Variants in GSG1L2 observed in about 807,000 individuals in gnomAD.
GSG1L2 encodes the protein GSG1 like 2.
In GSG1L2, 15 loss-of-function variants were observed where a neutral mutation model predicts 9.0. That is an observed-to-expected ratio of 1.67 (90% CI 1.12 to 2.57). GSG1L2 has a LOEUF of 2.57. GSG1L2 is among the 30% of genes most tolerant of loss of function. The pLI is 0.00. For synonymous variants in GSG1L2, 127 were observed against 57.9 expected (o/e 2.19, Z -5.41); for missense variants, 286 against 150.3 (o/e 1.90, Z -4.72).
rs557421947 is a variant in GSG1L2, at chr17:9,817,453, C to T, written c.310+4309G>A. Among the ~76,000 whole-genome samples, 3 of 146,390 alleles carry T rather than the reference C, an allele frequency of 2.0e-5. No individual in the cohort carries two copies. In the South Asian group the frequency reaches 6.5e-4, roughly 32 times the overall value. On this transcript the variant is annotated intron_variant, in intron 1 of 4. Coordinates refer to ENST00000399363, the MANE Select transcript of GSG1L2 (RefSeq NM_001310219.2). ...TTTTTTTTTTTTTTTTCCTCGAAGT[C>T]TCACTCTGTCGCCCAGGCTGGAGTA... is the stretch of plus-strand genomic sequence containing the variant.
chr17:9,803,417 T>C (rs534678989), intron 4 of GSG1L2, among the ~76,000 whole-genome samples: 2 of 152,344 alleles, frequency 1.3e-5, no homozygotes, highest in East Asian at 1.9e-4. Flanking sequence ...TCATTATTCT[T>C]ATATCCCCAT....
At chr17:9,819,352 T>C (rs1162195663) in intron 1 of GSG1L2, among the ~76,000 whole-genome samples, 1 of 152,130 alleles carries the variant, frequency 6.6e-6, no homozygotes, top group Non-Finnish European at 1.5e-5. Flanking sequence ...TGACAGAGGG[T>C]ATGTGGGATG....
intron 3 of GSG1L2, among the ~76,000 whole-genome samples, chr17:9,808,412 G>A (rs1158548998): frequency 2.6e-5 from 4 of 152,000 alleles, no homozygotes; most frequent in Non-Finnish European, 5.9e-5. Flanking sequence ...TTTAGTCATC[G>A]CCAAAGTGTC....
At chr17:9,809,131 G>C (rs1467907472) in intron 2 of GSG1L2, 149 bp from the exon 3 acceptor site, 17 of 616,894 alleles carry the variant, frequency 2.8e-5, no homozygotes, top group Non-Finnish European at 5.0e-5. Flanking sequence ...CTGAATCTTA[G>C]CTGGCAATGG....
At chr17:9,817,040 C>T (rs66593032) in intron 1 of GSG1L2, among the ~76,000 whole-genome samples, 76,618 of 151,670 alleles carry the variant, frequency 0.51, 20,469 homozygotes, top group East Asian at 0.99. Context: ...GCTTTCAGCT[C>T]GTTTTAGGCT....
At chr17:9,811,275 G>C (rs923325353) in intron 1 of GSG1L2, among the ~76,000 whole-genome samples, 1 of 152,152 alleles carries the variant, frequency 6.6e-6, no homozygotes, top group African/African-American at 2.4e-5. Context: ...GGTGAGTCAC[G>C]CATTCGCTTG....
rs1279802643 is a variant in GSG1L2 at position 9,808,973 on chromosome 17, C to T, written c.368G>A (p.Trp123Ter). Residue 123 changes from tryptophan to a stop codon, truncating the protein, a stop_gained, in exon 3 of 5, where the codon TGG (tryptophan) becomes TAG (stop). Coordinates refer to ENST00000399363, the MANE Select transcript of GSG1L2 (RefSeq NM_001310219.2). LOFTEE classifies it high-confidence loss of function. Reference protein sequence around the residue: ...VVPAEEQGVLWLSIGGEVLDI... With the variant: ...VVPAEEQGVL ...CAGGACCTCGCCCCCGATGGACAGC[C>T]ACAAAACACCTGCCAAAGAACGGGA... The T allele has an allele frequency of 2.8e-5, 20 of 703,056 alleles. No individual in the cohort carries two copies. The East Asian group carries it at 5.1e-4, about 18-fold the overall frequency. 43.6% of individuals were successfully genotyped at this position (703,056 alleles called of 1,614,324 possible).
rs3803852 is a variant in GSG1L2 at position 9,801,009 on chromosome 17, A to T, written c.*1377T>A. Among the ~76,000 whole-genome samples, 1 of 152,164 alleles carries T rather than the reference A, an allele frequency of 6.6e-6. No individual in the cohort carries two copies. Among genetic ancestry groups the T allele is most frequent in the African/African-American group, 2.4e-5 (1 of 41,424 alleles). ...GTCAGGCAGGTGCTCACCTTGAGCC[A>T]CAAACACGAAGGTAGCTGGATTTTT... On this transcript the variant is annotated 3_prime_UTR_variant, in exon 5 of 5. Coordinates refer to ENST00000399363, the MANE Select transcript of GSG1L2 (RefSeq NM_001310219.2).
In GSG1L2 at chr17:9,820,839, A is replaced by G. The variant is rs1242201890; in HGVS notation, c.310+923T>C. Reference sequence around the variant, plus strand: ...CTAATTTTTTAAAAAAACCTTTTGTAAAGAGAGGTCTCACTATGTTGCCTA... The same window carrying G: ...CTAATTTTTTAAAAAAACCTTTTGTGAAGAGAGGTCTCACTATGTTGCCTA... On this transcript the variant is annotated intron_variant, in intron 1 of 4. Coordinates refer to ENST00000399363, the MANE Select transcript of GSG1L2 (RefSeq NM_001310219.2). The surrounding 1 kb of genome is among the most constrained non-coding windows in gnomAD (Gnocchi z 4.9). Among the ~76,000 whole-genome samples, 1 of 151,972 alleles carries G rather than the reference A, an allele frequency of 6.6e-6. No homozygotes were observed. Among genetic ancestry groups the G allele is most frequent in the Non-Finnish European group, 1.5e-5 (1 of 67,970 alleles).
chr17:9,802,535 T>G lies in GSG1L2; in HGVS notation c.733A>C (p.Ser245Arg). ...AGGAAGCTGTGTTGAGAGTGCCGAC[T>G]GCCGTTCTGTGCCTGCTGCTTCTCG... The part of the protein sequence containing the change: ...FTEKQQAQNG[S>R]RHSQHSFLEP... The change falls in exon 5 of 5, where the codon AGT becomes CGT. Residue 245 changes from serine to arginine, a missense_variant. Transcript: ENST00000399363. 1 of 702,526 alleles carries G rather than the reference T, an allele frequency of 1.4e-6. No individual in the cohort carries two copies. The highest frequency in any genetic ancestry group is 2.7e-5 in the East Asian group (1 of 37,264). 43.5% of individuals were successfully genotyped at this position (702,526 alleles called of 1,614,324 possible).
At chr17:9,812,551 G>A (rs1245607630) in intron 1 of GSG1L2, among the ~76,000 whole-genome samples, 3 of 152,086 alleles carry the variant, frequency 2.0e-5, no homozygotes, top group Non-Finnish European at 2.9e-5. Context: ...TTTCAGATCT[G>A]GAGACTGGAA....
At chr17:9,807,310 T>C (rs941787113) in intron 4 of GSG1L2, among the ~76,000 whole-genome samples, 180 bp downstream of exon 4, 9 of 152,244 alleles carry the variant, frequency 5.9e-5, no homozygotes, top group Admixed American at 2.6e-4. Flanking sequence ...TTGAGGCAGG[T>C]ATCCTCACTT....
chr17:9,818,926 G>A (rs2066578630), intron 1 of GSG1L2, among the ~76,000 whole-genome samples: 1 of 152,104 alleles, frequency 6.6e-6, no homozygotes, highest in Non-Finnish European at 1.5e-5. Context: ...CTTGCTCTCA[G>A]CACTGGGGCT....
intron 1 of GSG1L2, among the ~76,000 whole-genome samples, chr17:9,819,351 G>T (rs979131244): frequency 3.3e-5 from 5 of 152,208 alleles, no homozygotes; most frequent in African/African-American, 4.8e-5. Context: ...ATGACAGAGG[G>T]TATGTGGGAT....
chr17:9,820,768 T>G lies in GSG1L2; in HGVS notation c.310+994A>C, dbSNP rs1033728633. Among the ~76,000 whole-genome samples the G allele has an allele frequency of 1.3e-5, 2 of 151,488 alleles. No homozygotes were observed. Among genetic ancestry groups the G allele is most frequent in the African/African-American group, 4.9e-5 (2 of 41,220 alleles). ...GCCTCAACCTCCCAGGCTCAAGTGA[T>G]CCTCCCAGAGTAGCTGGGACCACAG... On this transcript the variant is annotated intron_variant, in intron 1 of 4. Coordinates refer to ENST00000399363, the MANE Select transcript of GSG1L2 (RefSeq NM_001310219.2). This position sits in a 1 kb window ranked among gnomAD's most constrained non-coding sequence, Gnocchi z 4.9.
At position 9,820,215 on chromosome 17, in the gene GSG1L2, T is replaced by A. The variant is rs183219489; in HGVS notation, c.310+1547A>T. Among the ~76,000 whole-genome samples, 18 of 152,274 alleles carry A rather than the reference T, an allele frequency of 1.2e-4. No individual in the cohort carries two copies. Among genetic ancestry groups the A allele is most frequent in the Admixed American group, 7.8e-4 (12 of 15,304 alleles). On this transcript the variant is annotated intron_variant, in intron 1 of 4. Transcript: ENST00000399363. The surrounding 1 kb of genome is among the most constrained non-coding windows in gnomAD (Gnocchi z 4.9). The stretch of plus-strand genomic sequence containing the variant: ...ATATTTCTTTTACAAGTTCCTTGGG[T>A]GATACATTTGATAACTGGTGTGACG...
chr17:9,822,029 C>T lies in GSG1L2; in HGVS notation c.43G>A (p.Val15Ile), dbSNP rs1567712760. The change falls in exon 1 of 5, where the codon GTC becomes ATC. Residue 15 changes from valine (V) to isoleucine (I), a missense_variant. By Grantham distance (29) the Val-to-Ile change is conservative. Transcript: ENST00000399363. ...KQQQALLLLPVCLALTFSLTA... is the reference protein window; with the variant it reads ...KQQQALLLLPICLALTFSLTA... ...AGGGAGAAGGTGAGGGCGAGGCAGA[C>T]AGGGAGGAGGAGCAGCGCCTGCTGC... The T allele has an allele frequency of 8.5e-6, 6 of 702,652 alleles. No homozygotes were observed. The highest frequency in any genetic ancestry group is 4.0e-5 in the Admixed American group (2 of 50,016). 43.5% of individuals were successfully genotyped at this position (702,652 alleles called of 1,614,324 possible).
At chr17:9,808,525 A>G (rs899375111) in intron 3 of GSG1L2, among the ~76,000 whole-genome samples, 4 of 152,212 alleles carry the variant, frequency 2.6e-5, no homozygotes, top group Non-Finnish European at 4.4e-5. Context: ...CCACAGACTC[A>G]TGCCTAAGTA....
At chr17:9,817,603 T>G (rs1160053274) in intron 1 of GSG1L2, among the ~76,000 whole-genome samples, 1 of 152,036 alleles carries the variant, frequency 6.6e-6, no homozygotes, top group Non-Finnish European at 1.5e-5. Flanking sequence ...TTTTGTATTT[T>G]TAGTAGACAT....
Sources: gnomAD v4.1 joint callset for allele counts (sites outside exome capture counted in the v4.1 genomes callset) on GRCh38, gnomAD v4.1.1 for gene constraint, Gnocchi (gnomAD v3.1) non-coding constraint, MANE v1.5 for transcripts, NCBI Gene and HGNC (gene_info 2026-07-23, HGNC 2026-07-21) for gene names.